Variants in GRM8 observed in about 807,000 individuals in gnomAD.
GRM8 encodes the protein glutamate metabotropic receptor 8.
In GRM8, 47 loss-of-function variants were observed where a neutral mutation model predicts 87.2. That is an observed-to-expected ratio of 0.54 (90% CI 0.43 to 0.69). The LOEUF (loss-of-function observed/expected upper bound fraction) is 0.69, where lower values mean the gene tolerates loss of function less well. Ranked by LOEUF, GRM8 falls within the 30% of genes least tolerant of loss-of-function variation. GRM8 has a pLI of 0.00. For synonymous variants in GRM8, 396 were observed against 404.5 expected, an observed-to-expected ratio of 0.98 and a Z score of 0.25; for missense variants, 1,019 against 1,139.2, an observed-to-expected ratio of 0.89 and a Z score of 1.52.
At chr7:127,246,950 A>G (rs17863254) in intron 1 of GRM8, among the ~76,000 whole-genome samples, 39,008 of 152,152 alleles carry the variant, frequency 0.26, 5,511 homozygotes, top group Middle Eastern at 0.4. Flanking sequence ...CACCAAAGTC[A>G]TCTGTCCCAG....
intron 8 of GRM8, among the ~76,000 whole-genome samples, chr7:126,553,586 G>A (rs372766919): frequency 5.9e-5 from 9 of 152,154 alleles, no homozygotes; most frequent in South Asian, 2.1e-4. Context: ...ACCTGTCTCC[G>A]TCTCCCAATG....
At chr7:126,653,829 T>C (rs2151255976) in intron 7 of GRM8, among the ~76,000 whole-genome samples, 1 of 152,312 alleles carries the variant, frequency 6.6e-6, no homozygotes, top group Non-Finnish European at 1.5e-5. Flanking sequence ...TCTTCAGAAG[T>C]AGTAACAGAG....
chr7:126,522,299 C>T (rs1813103743), intron 9 of GRM8, among the ~76,000 whole-genome samples: 2 of 152,140 alleles, frequency 1.3e-5, no homozygotes, highest in African/African-American at 2.4e-5. Context: ...CCTCAACAAA[C>T]TTGTTATTTT....
intron 7 of GRM8, among the ~76,000 whole-genome samples, chr7:126,706,908 CA>C (rs757500587): frequency 3.3e-5 from 5 of 152,098 alleles, no homozygotes; most frequent in Admixed American, 6.6e-5. Context: ...CAAAGGTAGA[CA>C]AAATGCTCAC....
intron 8 of GRM8, among the ~76,000 whole-genome samples, chr7:126,552,859 T>C (rs911675508): frequency 6.6e-6 from 1 of 152,156 alleles, no homozygotes; most frequent in Non-Finnish European, 1.5e-5. Flanking sequence ...TAAATAAACA[T>C]TAGGTTTTCA....
chr7:126,698,843 G>A (rs1457998202), intron 7 of GRM8, among the ~76,000 whole-genome samples: 1 of 152,074 alleles, frequency 6.6e-6, no homozygotes, highest in African/African-American at 2.4e-5. Context: ...AATTATGTAG[G>A]CAATGCATAA....
At chr7:126,602,156 G>T (rs1342575616) in intron 8 of GRM8, among the ~76,000 whole-genome samples, 5 of 143,116 alleles carry the variant, frequency 3.5e-5, no homozygotes, top group African/African-American at 1.0e-4. Flanking sequence ...CATATGGCTA[G>T]CCAGTTTTCC....
At chr7:126,975,835 A>T (rs1018472426) in intron 3 of GRM8, among the ~76,000 whole-genome samples, 2 of 152,250 alleles carry the variant, frequency 1.3e-5, no homozygotes, top group Admixed American at 6.5e-5. Context: ...GTGTTGAGAT[A>T]ATACATAGCT....
intron 9 of GRM8, among the ~76,000 whole-genome samples, chr7:126,463,856 C>G (rs774879438): frequency 4.6e-5 from 7 of 151,600 alleles, no homozygotes; most frequent in Non-Finnish European, 1.0e-4. Context: ...CTGGAAACAA[C>G]TATTGCCAAT....
At chr7:126,546,988 G>T (rs1277767968) in intron 8 of GRM8, among the ~76,000 whole-genome samples, 2 of 152,126 alleles carry the variant, frequency 1.3e-5, no homozygotes. Flanking sequence ...CCTGAGTTTT[G>T]AGTTTTCCAG....
intron 5 of GRM8, among the ~76,000 whole-genome samples, chr7:126,903,100 T>A: frequency 6.6e-6 from 1 of 152,318 alleles, no homozygotes; most frequent in East Asian, 1.9e-4. Flanking sequence ...TGTTTCCACA[T>A]ACTTCAAAAT....
chr7:126,882,864 G>A (rs528236849), intron 6 of GRM8, among the ~76,000 whole-genome samples: 2 of 152,164 alleles, frequency 1.3e-5, no homozygotes, highest in South Asian at 2.1e-4. Context: ...TTACTGAGTT[G>A]ATTACTCATC....
chr7:126,828,721 AGTTATTT>A (rs1298071219), intron 6 of GRM8, among the ~76,000 whole-genome samples: 16 of 151,896 alleles, frequency 1.1e-4, no homozygotes, highest in African/African-American at 3.9e-4. Flanking sequence ...CTCTGATTTC[AGTTATTT>A]CTTGCCTTCT....
intron 2 of GRM8, among the ~76,000 whole-genome samples, chr7:127,174,734 G>A (rs967779748): frequency 1.8e-4 from 27 of 152,134 alleles, no homozygotes; most frequent in African/African-American, 6.5e-4. Flanking sequence ...ATACAAGAAT[G>A]ACTATTTCCT....
intron 3 of GRM8, among the ~76,000 whole-genome samples, chr7:127,056,654 A>G (rs906618092): frequency 6.6e-6 from 1 of 152,200 alleles, no homozygotes; most frequent in Non-Finnish European, 1.5e-5. Flanking sequence ...GAAAAACAAT[A>G]TCCTGTAATC....
At chr7:127,132,788 A>G (rs1226562363) in intron 2 of GRM8, among the ~76,000 whole-genome samples, 1 of 152,078 alleles carries the variant, frequency 6.6e-6, no homozygotes, top group Non-Finnish European at 1.5e-5. Context: ...GCACTCTAGG[A>G]CATGCTTCTG....
intron 3 of GRM8, among the ~76,000 whole-genome samples, chr7:127,048,713 G>A (rs186078242): frequency 1.3e-5 from 2 of 152,128 alleles, no homozygotes. Flanking sequence ...GTCAAAGGTT[G>A]GTATCTGAAG....
chr7:127,012,214 T>G (rs1349046516), intron 3 of GRM8, among the ~76,000 whole-genome samples: 1 of 152,154 alleles, frequency 6.6e-6, no homozygotes, highest in African/African-American at 2.4e-5. Context: ...CCAATCCATC[T>G]GTGTTCCAAT....
chr7:126,440,184 C>A (rs961958581), intron 10 of GRM8, among the ~76,000 whole-genome samples: 4 of 151,690 alleles, frequency 2.6e-5, no homozygotes, highest in Non-Finnish European at 5.9e-5. Context: ...GAGGCCTAGG[C>A]AGGTGGATCA....
Sources: allele counts gnomAD v4.1 joint callset (sites outside exome capture counted in the v4.1 genomes callset), GRCh38; gene constraint gnomAD v4.1.1; transcripts MANE v1.5; gene names NCBI Gene and HGNC (gene_info 2026-07-23, HGNC 2026-07-21).